ADH7: variants seen among roughly 807,000 people sequenced by gnomAD.
ADH7 encodes alcohol dehydrogenase 7 (class IV), mu or sigma polypeptide, also known as all-trans-retinol dehydrogenase [NAD(+)] ADH7.
ADH7 carries 41 observed loss-of-function variants against 34.4 expected under a neutral mutation model. The ratio of observed to expected loss-of-function variants is 1.19; its 90% CI spans 0.93 to 1.55. The LOEUF (loss-of-function observed/expected upper bound fraction) is 1.55. Ranked by LOEUF, ADH7 falls within the 40% of genes most tolerant of loss-of-function variation. ADH7 has a pLI of 0.00. For missense variants in ADH7, 540 were observed against 461.2 expected (o/e 1.17, Z -1.56); for synonymous variants, 180 against 160.9 (o/e 1.12, Z -0.90).
rs1721896437 is a variant in ADH7 at position 99,429,650 on chromosome 4, T to C, written c.19-17A>G. On this transcript the variant is annotated splice_polypyrimidine_tract_variant and intron_variant, in intron 1 of 8. Coordinates refer to ENST00000437033, the MANE Select transcript of ADH7 (RefSeq NM_000673.7). ...TTTAATAACCTAAGAAATAGGCAAG[T>C]ATTATAATGGGTCTGAATTATGCCT... 1.9e-6 allele frequency: 3 copies of C among 1,577,544 alleles called. No individual in the cohort carries two copies. Among genetic ancestry groups the C allele is most frequent in the African/African-American group, 1.3e-5 (1 of 74,360 alleles).
At chr4:99,414,537 T>C (rs897079708) in intron 8 of ADH7, among the ~76,000 whole-genome samples, 11 of 152,286 alleles carry the variant, frequency 7.2e-5, no homozygotes, top group Non-Finnish European at 1.5e-4. Context: ...TTGACCTCTA[T>C]CCTTGCCCAA....
intron 8 of ADH7, among the ~76,000 whole-genome samples, chr4:99,414,230 T>A (rs570557235): frequency 2.0e-5 from 3 of 152,304 alleles, no homozygotes; most frequent in Non-Finnish European, 2.9e-5. Context: ...CATTGTTTAC[T>A]TGCTTAAAAA....
At chr4:99,423,218 T>C (rs1473706567) in intron 5 of ADH7, among the ~76,000 whole-genome samples, 4 of 150,266 alleles carry the variant, frequency 2.7e-5, no homozygotes, top group Non-Finnish European at 4.5e-5. Flanking sequence ...CATCATTTTT[T>C]ATGGCTGCAT....
chr4:99,420,846 A>G, intron 5 of ADH7, 53 bp from the exon 6 acceptor site: 1 of 1,568,752 alleles, frequency 6.4e-7, no homozygotes, highest in Non-Finnish European at 8.7e-7. Flanking sequence ...AAAAAGTGAA[A>G]CCTGAAAAGG....
chr4:99,419,272 T>C (rs1721594367), intron 6 of ADH7, 151 bp from the exon 7 acceptor site: 1 of 943,888 alleles, frequency 1.1e-6, no homozygotes, highest in Non-Finnish European at 1.5e-6. Context: ...AGTGCAACTT[T>C]AGTCCTTAAT....
chr4:99,429,712 C>T (rs1439891904), intron 1 of ADH7, 79 bp from the exon 2 acceptor site: 1 of 925,192 alleles, frequency 1.1e-6, no homozygotes, highest in Non-Finnish European at 1.6e-6. Flanking sequence ...TAAATATGAA[C>T]AGAAGAGCAT....
chr4:99,425,910 C>A (rs1315225595), intron 5 of ADH7, among the ~76,000 whole-genome samples: 1 of 152,068 alleles, frequency 6.6e-6, no homozygotes, highest in Non-Finnish European at 1.5e-5. Context: ...GAAACTCACT[C>A]AAAACCGCTC....
At position 99,428,119 on chromosome 4, in the gene ADH7, G is replaced by A. The variant is rs879049643; in HGVS notation, c.315C>T (p.Arg105=). The A allele has an allele frequency of 3.7e-6, 6 of 1,613,892 alleles. No individual in the cohort carries two copies. The Admixed American group carries it at 8.3e-5, about 22-fold the overall frequency. ...TAATGCAAAGGTTGCCATCTGGGTT[G>A]CGACAAGCATTGCATTCTCTACATT... The part of the protein sequence containing the change: ...LPQCRECNAC[R]NPDGNLCIRS... Residue 105 remains arginine (R), a synonymous_variant, in exon 4 of 9, where the codon CGC becomes CGT. Coordinates refer to ENST00000437033, the MANE Select transcript of ADH7 (RefSeq NM_000673.7).
At chr4:99,416,473 T>A (rs1367592286) in intron 7 of ADH7, among the ~76,000 whole-genome samples, 1 of 152,130 alleles carries the variant, frequency 6.6e-6, no homozygotes, top group Non-Finnish European at 1.5e-5. Context: ...TGGCTCCCCT[T>A]TTCTGAAACA....
At chr4:99,429,677 T>TAA (rs763745820) in intron 1 of ADH7, 44 bp from the exon 2 acceptor site, 3 of 1,373,772 alleles carry the variant, frequency 2.2e-6, no homozygotes, top group African/African-American at 2.8e-5. Flanking sequence ...ATTATGCCTT[T>TAA]AACTTACAGA....
chr4:99,427,436 C>T (rs1056013866), intron 5 of ADH7, among the ~76,000 whole-genome samples: 6 of 152,072 alleles, frequency 3.9e-5, no homozygotes, highest in African/African-American at 1.2e-4. Context: ...GGAGTAAAAG[C>T]TCTGACAAAA....
chr4:99,415,568 G>C lies in ADH7; in HGVS notation c.1010C>G (p.Ala337Gly). Residue 337 changes from alanine to glycine, a missense_variant, in exon 8 of 9, where the codon GCA (alanine) becomes GGA (glycine). Ala to Gly is a moderately conservative substitution (Grantham distance 60). Coordinates refer to ENST00000437033, the MANE Select transcript of ADH7 (RefSeq NM_000673.7). ...CAACTGGTCCAGGTCAAATTTCTTT[G>C]CCAGGAACTCAGTCACTAGTTTTGG... ...DVPKLVTEFL[A>G]KKFDLDQLIT... The C allele has an allele frequency of 6.2e-7, 1 of 1,613,346 alleles. No homozygotes were observed. The highest frequency in any genetic ancestry group is 8.5e-7 in the Non-Finnish European group (1 of 1,179,592).
chr4:99,425,437 C>A (rs1280717537), intron 5 of ADH7, among the ~76,000 whole-genome samples: 1 of 151,998 alleles, frequency 6.6e-6, no homozygotes, highest in Non-Finnish European at 1.5e-5. Flanking sequence ...AGACTTTAAA[C>A]CAACAAAGAT....
chr4:99,413,602 T>C (rs1284437448), intron 8 of ADH7, among the ~76,000 whole-genome samples: 2 of 152,200 alleles, frequency 1.3e-5, no homozygotes, highest in African/African-American at 4.8e-5. Context: ...TGAAACAAAA[T>C]AGGTTTTAGT....
Position 99,413,010 on chromosome 4 carries a change from A to G in ADH7, c.*138T>C. ...TGTTTATAAAGGTTAATAATTCTTT[A>G]TAAGGGTTCTATGTCTTCAACAAAT... is the stretch of plus-strand genomic sequence containing the variant. On this transcript the variant is annotated 3_prime_UTR_variant, in exon 9 of 9. Transcript: ENST00000437033. 1.3e-6 allele frequency: 1 copy of G among 794,770 alleles called. No homozygotes were observed. Among genetic ancestry groups the G allele is most frequent in the Non-Finnish European group, 2.0e-6 (1 of 492,820 alleles). 49.2% of individuals were successfully genotyped at this position (794,770 alleles called of 1,614,324 possible). A position where few individuals can be genotyped will look rare whatever the true frequency, so the allele number is the denominator to read the frequency against.
At chr4:99,422,975 C>T (rs1721702712) in intron 5 of ADH7, among the ~76,000 whole-genome samples, 1 of 143,806 alleles carries the variant, frequency 7.0e-6, no homozygotes, top group African/African-American at 2.5e-5. Flanking sequence ...GTGCTGCACC[C>T]ATTAACTTGT....
At chr4:99,418,911 A>G in intron 7 of ADH7, 75 bp downstream of exon 7, 1 of 1,546,978 alleles carries the variant, frequency 6.5e-7, no homozygotes, top group Non-Finnish European at 8.8e-7. Flanking sequence ...AGGCCTGAGG[A>G]AACAGGCTTC....
At chr4:99,426,464 A>C (rs1721807278) in intron 5 of ADH7, among the ~76,000 whole-genome samples, 1 of 152,238 alleles carries the variant, frequency 6.6e-6, no homozygotes, top group South Asian at 2.1e-4. Context: ...ATCTAGAAGA[A>C]ATGGATAAAT....
intron 8 of ADH7, among the ~76,000 whole-genome samples, chr4:99,413,543 A>G (rs1721455493): frequency 6.6e-6 from 1 of 152,194 alleles, no homozygotes; most frequent in African/African-American, 2.4e-5. Flanking sequence ...ACTTTATCCC[A>G]AAAGCCTGCT....
Sources: allele counts gnomAD v4.1 joint callset (sites outside exome capture counted in the v4.1 genomes callset), GRCh38; gene constraint gnomAD v4.1.1; transcripts MANE v1.5; gene names NCBI Gene and HGNC (gene_info 2026-07-23, HGNC 2026-07-21).